Variants in NECAB2 observed in about 807,000 individuals in gnomAD.
NECAB2 encodes the protein N-terminal EF-hand calcium-binding protein 2.
Under a neutral mutation model 51.9 loss-of-function variants are expected in NECAB2, and 68 were observed. The observed-to-expected ratio is 1.31, with a 90% confidence interval of 1.08 to 1.60. NECAB2 has a LOEUF of 1.60. Ranked by LOEUF, NECAB2 falls within the 40% of genes most tolerant of loss-of-function variation. NECAB2 has a pLI of 0.00. For synonymous variants in NECAB2, 329 were observed against 203.5 expected, an observed-to-expected ratio of 1.62 and a Z score of -5.25; for missense variants, 854 against 490.3, an observed-to-expected ratio of 1.74 and a Z score of -7.00.
At position 84,002,357 on chromosome 16, in the gene NECAB2, G is replaced by C; in HGVS notation, c.*11G>C. On this transcript the variant is annotated 3_prime_UTR_variant, in exon 13 of 13. Transcript: ENST00000305202. ...GTGGGACGGGACTGACAGCCTCCCA[G>C]AGGCCCGTGGAGGAGCCCACCAGCC... is the stretch of plus-strand genomic sequence containing the variant. 1 of 1,613,722 alleles carries C rather than the reference G, an allele frequency of 6.2e-7. No homozygotes were observed. The highest frequency in any genetic ancestry group is 1.1e-5 in the South Asian group (1 of 91,072).
At chr16:83,971,804 G>A in intron 1 of NECAB2, 1 of 458,264 alleles carries the variant, frequency 2.2e-6, no homozygotes, top group Non-Finnish European at 3.9e-6. Flanking sequence ...GTGGTTGTGT[G>A]CAGCTGAGCG....
Position 84,002,604 on chromosome 16 carries a change from T to C in NECAB2, c.*258T>C, listed in dbSNP as rs2084860752. The C allele has an allele frequency of 1.7e-6, 1 of 576,988 alleles. No homozygotes were observed. The highest frequency in any genetic ancestry group is 1.9e-5 in the African/African-American group (1 of 53,252). 35.7% of individuals were successfully genotyped at this position (576,988 alleles called of 1,614,324 possible). ...TCCTGGAGCCAGCACCCCTGCCTCCTGGTCCTGGCCTCTCCCCTACCCCTC... is the reference window on the plus strand; with the variant it reads ...TCCTGGAGCCAGCACCCCTGCCTCCCGGTCCTGGCCTCTCCCCTACCCCTC... On this transcript the variant is annotated 3_prime_UTR_variant, in exon 13 of 13. Coordinates refer to ENST00000305202, the MANE Select transcript of NECAB2 (RefSeq NM_019065.3).
rs2084850303 is a variant in NECAB2, at chr16:84,002,199, CT to C, written c.1133-118del. ...TTGCACCTGGGTGACCAGCAAGGAC[CT>C]GTGTGTCACACAAGGACTCAAAGCC... On this transcript the variant is annotated intron_variant, in intron 12 of 12. Coordinates refer to ENST00000305202, the MANE Select transcript of NECAB2 (RefSeq NM_019065.3). 6.2e-6 allele frequency: 8 copies of C among 1,283,228 alleles called. 1 individual carries two copies. In the South Asian group the frequency reaches 8.3e-5, roughly 13 times the overall value. The allele number at this position is 1,283,228 out of a possible 1,614,324, so 79.5% of individuals were successfully genotyped here. A position where few individuals can be genotyped will look rare whatever the true frequency, so the allele number is the denominator to read the frequency against.
At chr16:83,974,398 T>C (rs1480436531) in intron 2 of NECAB2, among the ~76,000 whole-genome samples, 1 of 152,088 alleles carries the variant, frequency 6.6e-6, no homozygotes, top group Non-Finnish European at 1.5e-5. Context: ...ATTGAAGATA[T>C]CAATAAGTCC....
At chr16:83,978,377 C>A in intron 2 of NECAB2, 67 bp from the exon 3 acceptor site, 2 of 1,293,708 alleles carry the variant, frequency 1.5e-6, no homozygotes, top group Non-Finnish European at 2.2e-6. Context: ...GGGGGCCGTG[C>A]ATGCACTAGC....
At position 83,978,226 on chromosome 16, in the gene NECAB2, G is replaced by C. The variant is rs370898620; in HGVS notation, c.227-218G>C. 2.7e-4 allele frequency among the ~76,000 whole-genome samples: 41 copies of C among 152,310 alleles called. No individual in the cohort carries two copies. In the South Asian group the frequency reaches 8.1e-3, roughly 30 times the overall value. On this transcript the variant is annotated intron_variant, in intron 2 of 12. Transcript: ENST00000305202. ...GAGGCATGATTCTCTGTGTACTGGAGTTTACTGGTTAGTGTGGGAATTAGC... is the reference window on the plus strand; with the variant it reads ...GAGGCATGATTCTCTGTGTACTGGACTTTACTGGTTAGTGTGGGAATTAGC...
chr16:83,984,724 G>A (rs922941161), intron 5 of NECAB2, among the ~76,000 whole-genome samples: 1 of 152,086 alleles, frequency 6.6e-6, no homozygotes, highest in Non-Finnish European at 1.5e-5. Context: ...GAGAAACCCT[G>A]TCTCTCAAAA....
intron 11 of NECAB2, 146 bp downstream of exon 11, chr16:84,000,947 G>C (rs9934787): frequency 0.16 from 118,258 of 744,914 alleles, 19,543 homozygotes; most frequent in African/African-American, 0.7. Context: ...GCATGCTTGC[G>C]TCAGTAAACC....
At chr16:83,992,379 C>CCCACA (rs904355034) in intron 6 of NECAB2, among the ~76,000 whole-genome samples, 1 of 143,482 alleles carries the variant, frequency 7.0e-6, no homozygotes, top group African/African-American at 2.8e-5. Context: ...AGCACCCGTC[C>CCCACA]CCCCGCCCAC....
At chr16:83,972,363 C>G (rs2084359099) in intron 2 of NECAB2, among the ~76,000 whole-genome samples, 188 bp downstream of exon 2, 1 of 152,222 alleles carries the variant, frequency 6.6e-6, no homozygotes, top group Non-Finnish European at 1.5e-5. Context: ...AAACGGGAAT[C>G]CTAGTAGGGC....
chr16:83,987,508 A>T (rs1345494872), intron 5 of NECAB2, among the ~76,000 whole-genome samples: 1 of 152,122 alleles, frequency 6.6e-6, no homozygotes, highest in Non-Finnish European at 1.5e-5. Flanking sequence ...TCTAATTCCC[A>T]CTATCCCTAA....
intron 2 of NECAB2, among the ~76,000 whole-genome samples, chr16:83,972,560 C>T (rs1393566354): frequency 6.6e-6 from 1 of 152,208 alleles, no homozygotes; most frequent in Admixed American, 6.5e-5. Flanking sequence ...ACGCTAGGCC[C>T]TTCACAAGCC....
At position 84,001,711 on chromosome 16, in the gene NECAB2, C is replaced by A. The variant is rs549670058; in HGVS notation, c.1041-114C>A. 18 of 1,103,608 alleles carry A rather than the reference C, an allele frequency of 1.6e-5. No individual in the cohort carries two copies. The South Asian group carries it at 1.9e-4, about 11-fold the overall frequency. 68.4% of individuals were successfully genotyped at this position (1,103,608 alleles called of 1,614,324 possible). ...CACAAAGGCTCTGAGTCCAAAGACCCCCCGTGCTTATTGATAAGCTCCCCA... is the reference window on the plus strand; with the variant it reads ...CACAAAGGCTCTGAGTCCAAAGACCACCCGTGCTTATTGATAAGCTCCCCA... On this transcript the variant is annotated intron_variant, in intron 11 of 12. Transcript: ENST00000305202.
rs947551494 is a variant in NECAB2, at chr16:83,980,850, C to T, written c.347C>T (p.Thr116Ile). ...IDSDNTNHVDTKELCDYFVDH... is the reference protein window; with the variant it reads ...IDSDNTNHVDIKELCDYFVDH... ...GTCTGTCTCTGCAGCCATGTGGACACCAAGGAGCTGTGTGGTAGGTGCCTG... is the reference window on the plus strand; with the variant it reads ...GTCTGTCTCTGCAGCCATGTGGACATCAAGGAGCTGTGTGGTAGGTGCCTG... Residue 116 changes from threonine to isoleucine, a missense_variant, in exon 4 of 13, where the codon ACC becomes ATC. Thr to Ile is a moderately conservative substitution (Grantham distance 89). Transcript: ENST00000305202. 4 of 1,598,018 alleles carry T rather than the reference C, an allele frequency of 2.5e-6. No homozygotes were observed. The highest frequency in any genetic ancestry group is 3.4e-6 in the Non-Finnish European group (4 of 1,171,786).
intron 11 of NECAB2, 129 bp from the exon 12 acceptor site, chr16:84,001,696 C>A: frequency 1.1e-6 from 1 of 939,346 alleles, no homozygotes; most frequent in South Asian, 1.6e-5. Flanking sequence ...CACAAAGGCT[C>A]TGAGTCCAAA....
chr16:83,988,615 T>C (rs1273616967), intron 5 of NECAB2, among the ~76,000 whole-genome samples: 2 of 152,204 alleles, frequency 1.3e-5, no homozygotes, highest in Non-Finnish European at 2.9e-5. Context: ...TATGAAGAAC[T>C]CTCTCTAATT....
chr16:83,993,833 G>A (rs2084657603), intron 6 of NECAB2, among the ~76,000 whole-genome samples: 1 of 152,088 alleles, frequency 6.6e-6, no homozygotes, highest in African/African-American at 2.4e-5. Context: ...GTCTCTTTAG[G>A]TCTCGCTTTT....
At chr16:83,979,834 C>T (rs76941130) in intron 3 of NECAB2, among the ~76,000 whole-genome samples, 1 of 152,108 alleles carries the variant, frequency 6.6e-6, no homozygotes, top group East Asian at 1.9e-4. Context: ...CCAACATTAC[C>T]TAAGGTGTGA....
At chr16:83,977,202 G>A (rs745967215) in intron 2 of NECAB2, among the ~76,000 whole-genome samples, 4 of 152,206 alleles carry the variant, frequency 2.6e-5, no homozygotes, top group Non-Finnish European at 5.9e-5. Flanking sequence ...AGGGGTTTAT[G>A]CAGAGAGGCT....
Sources: allele counts gnomAD v4.1 joint callset (sites outside exome capture counted in the v4.1 genomes callset), GRCh38; gene constraint gnomAD v4.1.1; transcripts MANE v1.5; gene names NCBI Gene and HGNC (gene_info 2026-07-23, HGNC 2026-07-21).